Variants in CCSER1 observed in about 807,000 individuals in gnomAD.
The protein encoded by CCSER1 is serine-rich coiled-coil domain-containing protein 1.
In CCSER1, 41 loss-of-function variants were observed where a neutral mutation model predicts 82.0. The observed-to-expected ratio is 0.50, with a 90% confidence interval of 0.39 to 0.65. The LOEUF (loss-of-function observed/expected upper bound fraction) is 0.65, where lower values mean the gene tolerates loss of function less well. CCSER1 is among the 30% of genes least tolerant of loss of function. The pLI is 0.00. For synonymous variants in CCSER1, 414 were observed against 383.9 expected (o/e 1.08, Z -0.92); for missense variants, 1,119 against 1,064.2 (o/e 1.05, Z -0.72).
At chr4:90,737,291 TAGGAC>T (rs1745816368) in intron 7 of CCSER1, among the ~76,000 whole-genome samples, 1 of 152,206 alleles carries the variant, frequency 6.6e-6, no homozygotes, top group African/African-American at 2.4e-5. Flanking sequence ...GCATTTCTTG[TAGGAC>T]AGGTTTGGTG....
At chr4:90,199,033 A>AT (rs1156854647) in intron 1 of CCSER1, among the ~76,000 whole-genome samples, 1 of 152,082 alleles carries the variant, frequency 6.6e-6, no homozygotes, top group African/African-American at 2.4e-5. Context: ...TCTGCTATAC[A>AT]TTTTCAAGCG....
chr4:91,153,964 C>T lies in CCSER1; in HGVS notation c.2217+67970C>T, dbSNP rs1005798843. ...TTAGGCTACTCATGGGTCAGGGACC[C>T]ACTTGAGGAGGCAGTCTGTCCATCC... On this transcript the variant is annotated intron_variant, in intron 10 of 10. Coordinates refer to ENST00000509176, the MANE Select transcript of CCSER1 (RefSeq NM_001145065.2). Among the ~76,000 whole-genome samples, 5 of 151,970 alleles carry T rather than the reference C, an allele frequency of 3.3e-5. 1 individual carries two copies. Among genetic ancestry groups the T allele is most frequent in the Non-Finnish European group, 7.4e-5 (5 of 67,922 alleles).
chr4:90,617,081 A>G (rs1721417392), intron 5 of CCSER1, among the ~76,000 whole-genome samples: 1 of 152,232 alleles, frequency 6.6e-6, no homozygotes, highest in Admixed American at 6.5e-5. Flanking sequence ...AAATACAATT[A>G]TTACACATAA....
chr4:91,314,535 G>A (rs980753212), intron 10 of CCSER1, among the ~76,000 whole-genome samples: 1 of 151,940 alleles, frequency 6.6e-6, no homozygotes, highest in Non-Finnish European at 1.5e-5. Flanking sequence ...TCAAGACAAG[G>A]AAGACTCTCT....
chr4:91,180,585 CTG>C (rs1012355654), intron 10 of CCSER1, among the ~76,000 whole-genome samples: 1 of 152,206 alleles, frequency 6.6e-6, no homozygotes, highest in Non-Finnish European at 1.5e-5. Context: ...GAGTGAGGCT[CTG>C]TGGGCTTGGG....
intron 7 of CCSER1, chr4:90,780,831 A>C: frequency 9.6e-7 from 1 of 1,042,956 alleles, no homozygotes; most frequent in Non-Finnish European, 1.2e-6. Context: ...ATAAACTGTC[A>C]GTGTATTAGG....
intron 3 of CCSER1, among the ~76,000 whole-genome samples, chr4:90,323,410 C>T (rs1452994234): frequency 6.6e-6 from 1 of 152,208 alleles, no homozygotes; most frequent in Non-Finnish European, 1.5e-5. Flanking sequence ...CTAGCTGGAG[C>T]TCAGATTCCT....
intron 5 of CCSER1, among the ~76,000 whole-genome samples, chr4:90,589,243 G>A (rs1782405357): frequency 6.6e-6 from 1 of 151,972 alleles, no homozygotes; most frequent in Non-Finnish European, 1.5e-5. Context: ...ATTTTTTTGG[G>A]TAATGGTTTC....
intron 10 of CCSER1, among the ~76,000 whole-genome samples, chr4:91,422,519 A>G (rs1299391806): frequency 2.0e-5 from 3 of 152,110 alleles, no homozygotes; most frequent in Non-Finnish European, 4.4e-5. Flanking sequence ...TTTGTTTTCC[A>G]TGTGGATTTG....
At chr4:91,296,340 C>G (rs1578139083) in intron 10 of CCSER1, among the ~76,000 whole-genome samples, 1 of 150,810 alleles carries the variant, frequency 6.6e-6, no homozygotes, top group Non-Finnish European at 1.5e-5. Flanking sequence ...AGAATCAAAT[C>G]ACTTTGGGGA....
In CCSER1 at chr4:91,368,808, A is replaced by G. The variant is rs866942422; in HGVS notation, c.2218-229764A>G. ...ATAAAGTTTACAAAAATTTCCCTGT[A>G]AATCAGTTTCTATATTTTCAGAACT... On this transcript the variant is annotated intron_variant, in intron 10 of 10. Transcript: ENST00000509176. 8.5e-5 allele frequency among the ~76,000 whole-genome samples: 13 copies of G among 152,304 alleles called. No homozygotes were observed. In the Middle Eastern group the frequency reaches 0.01, roughly 120 times the overall value.
intron 5 of CCSER1, among the ~76,000 whole-genome samples, chr4:90,490,633 TGTA>T (rs1767860748): frequency 6.6e-6 from 1 of 152,164 alleles, no homozygotes; most frequent in Non-Finnish European, 1.5e-5. Context: ...TAGGTTTTCT[TGTA>T]GGGATTTTAT....
intron 5 of CCSER1, among the ~76,000 whole-genome samples, chr4:90,532,356 A>G (rs558167414): frequency 5.9e-5 from 9 of 151,852 alleles, no homozygotes; most frequent in Admixed American, 4.6e-4. Context: ...CATCTTAAAC[A>G]CTTCTTTTTC....
chr4:91,008,416 G>A (rs1054940135), intron 9 of CCSER1, among the ~76,000 whole-genome samples: 4 of 152,104 alleles, frequency 2.6e-5, no homozygotes, highest in Non-Finnish European at 5.9e-5. Flanking sequence ...AAAGTGTTAT[G>A]TCTTCTTGAT....
At chr4:90,363,591 A>G (rs1745766381) in intron 3 of CCSER1, among the ~76,000 whole-genome samples, 1 of 139,558 alleles carries the variant, frequency 7.2e-6, no homozygotes, top group African/African-American at 2.8e-5. Context: ...GCAAATAAAG[A>G]CTTTCAAGGG....
chr4:91,412,180 C>G (rs1002272769), intron 10 of CCSER1, among the ~76,000 whole-genome samples: 3 of 152,112 alleles, frequency 2.0e-5, no homozygotes, highest in Non-Finnish European at 2.9e-5. Context: ...ATGGTCCCAA[C>G]TCCAGAGCCT....
rs148587209 is a variant in CCSER1, at chr4:91,588,905, C to T, written c.2218-9667C>T. Among the ~76,000 whole-genome samples, 550 of 151,716 alleles carry T rather than the reference C, an allele frequency of 3.6e-3. 3 individuals carry two copies. The highest frequency in any genetic ancestry group is 0.012 in the African/African-American group (518 of 41,452). On this transcript the variant is annotated intron_variant, in intron 10 of 10. Coordinates refer to ENST00000509176, the MANE Select transcript of CCSER1 (RefSeq NM_001145065.2). ...AAAAATGCCTTTGAAGTAAGGCATCCAAAACTAATCTATCTTAATGTACAT... is the reference window on the plus strand; with the variant it reads ...AAAAATGCCTTTGAAGTAAGGCATCTAAAACTAATCTATCTTAATGTACAT...
intron 9 of CCSER1, among the ~76,000 whole-genome samples, chr4:90,979,174 G>A (rs1735878819): frequency 6.6e-6 from 1 of 151,098 alleles, no homozygotes; most frequent in Non-Finnish European, 1.5e-5. Context: ...TATTTAAGGT[G>A]TGTATATATG....
intron 3 of CCSER1, among the ~76,000 whole-genome samples, chr4:90,354,912 G>C (rs930775943): frequency 1.3e-5 from 2 of 151,782 alleles, no homozygotes; most frequent in African/African-American, 4.8e-5. Context: ...TGGTGGTGGT[G>C]GTTGTGTTTT....
Sources: gnomAD v4.1 joint callset for allele counts (sites outside exome capture counted in the v4.1 genomes callset) on GRCh38, gnomAD v4.1.1 for gene constraint, MANE v1.5 for transcripts, NCBI Gene and HGNC (gene_info 2026-07-23, HGNC 2026-07-21) for gene names.